TNKS: variants seen among roughly 807,000 people sequenced by gnomAD.
TNKS encodes tankyrase, also known as poly [ADP-ribose] polymerase tankyrase-1.
In TNKS, 72 loss-of-function variants were observed where a neutral mutation model predicts 135.8. The observed-to-expected ratio is 0.53, with a 90% CI of 0.44 to 0.64. TNKS has a LOEUF of 0.64. Ranked by LOEUF, TNKS falls within the 30% of genes least tolerant of loss-of-function variation. TNKS has a pLI of 0.00. For synonymous variants in TNKS, 849 were observed against 649.3 expected, an observed-to-expected ratio of 1.31 and a Z score of -4.68; for missense variants, 1,769 against 1,674.0, an observed-to-expected ratio of 1.06 and a Z score of -0.99.
chr8:9,766,632 C>G (rs1807467104), intron 25 of TNKS, among the ~76,000 whole-genome samples: 1 of 152,016 alleles, frequency 6.6e-6, no homozygotes, highest in Non-Finnish European at 1.5e-5. Context: ...ATTACAGGCA[C>G]CTGCCACCAC....
chr8:9,722,393 G>A (rs1478228618), intron 12 of TNKS: 2 of 152,178 alleles, frequency 1.3e-5, no homozygotes, highest in South Asian at 2.1e-4. Flanking sequence ...TTTTCCTCAT[G>A]CTAGGTCATT....
chr8:9,767,425 C>T (rs1179576088), intron 25 of TNKS, among the ~76,000 whole-genome samples: 2 of 152,160 alleles, frequency 1.3e-5, no homozygotes, highest in African/African-American at 4.8e-5. Context: ...TTCTTTTTAA[C>T]AAGCCAGGTT....
chr8:9,764,642 T>A, intron 22 of TNKS, 74 bp from the exon 23 acceptor site: 5 of 1,132,958 alleles, frequency 4.4e-6, no homozygotes, highest in Non-Finnish European at 6.2e-6. Flanking sequence ...TTATTAATAC[T>A]GAATTTTAGA....
chr8:9,638,189 A>G (rs1474724271), intron 3 of TNKS, among the ~76,000 whole-genome samples: 3 of 152,182 alleles, frequency 2.0e-5, no homozygotes, highest in Non-Finnish European at 4.4e-5. Context: ...TGCTTAAGCT[A>G]GTCTCAAACT....
chr8:9,613,172 C>T (rs1021750225), intron 2 of TNKS, among the ~76,000 whole-genome samples: 11 of 152,194 alleles, frequency 7.2e-5, no homozygotes, highest in East Asian at 3.9e-4. Flanking sequence ...CCAAATAGTC[C>T]GTAAAGACTA....
In TNKS at chr8:9,742,359, C is replaced by G. The variant is rs6988264; in HGVS notation, c.2644-5665C>G. On this transcript the variant is annotated intron_variant, in intron 17 of 26. Coordinates refer to ENST00000310430, the MANE Select transcript of TNKS (RefSeq NM_003747.3). ...GTCAGATACATGAGTGTGATAATAC[C>G]TTTTTTTTGTTTTTTAACATGGGCA... Among the ~76,000 whole-genome samples the G allele has an allele frequency of 2.1e-3, 313 of 147,118 alleles. 1 individual carries two copies. The highest frequency in any genetic ancestry group is 7.5e-3 in the African/African-American group (298 of 39,912).
chr8:9,585,219 G>C (rs1798324659), intron 2 of TNKS, among the ~76,000 whole-genome samples: 1 of 151,944 alleles, frequency 6.6e-6, no homozygotes. Context: ...CATGTTAGTA[G>C]CCTGGAAGCT....
chr8:9,703,688 G>T (rs1038707907), intron 5 of TNKS, among the ~76,000 whole-genome samples: 1 of 152,130 alleles, frequency 6.6e-6, no homozygotes, highest in Non-Finnish European at 1.5e-5. Context: ...TTCACATCTG[G>T]AATAGGTGAA....
intron 3 of TNKS, chr8:9,658,537 G>C (rs1801535123): frequency 5.1e-6 from 2 of 395,904 alleles, no homozygotes; most frequent in African/African-American, 2.2e-5. Context: ...CAAATGCTGA[G>C]AGATTTTGTC....
Position 9,731,024 on chromosome 8 carries a change from C to G in TNKS, c.2136C>G (p.Ala712=), listed in dbSNP as rs760904744. ...TACACCACGGTGCCGATGTCCATGC[C>G]AAAGACAAGGGGTACGTGTTAGAAG... The part of the protein sequence containing the change: ...YLLHHGADVH[A]KDKGGLVPLH... Residue 712 remains alanine, a synonymous_variant, in exon 14 of 27, where the codon GCC becomes GCG. Transcript: ENST00000310430. The G allele has an allele frequency of 3.7e-6, 6 of 1,609,576 alleles. No individual in the cohort carries two copies. The highest frequency in any genetic ancestry group is 2.2e-5 in the South Asian group (2 of 90,144).
chr8:9,769,076 C>T (rs1807639754), intron 25 of TNKS, among the ~76,000 whole-genome samples: 1 of 152,204 alleles, frequency 6.6e-6, no homozygotes, highest in African/African-American at 2.4e-5. Context: ...GATTAGCAGA[C>T]ATTTTCTTTA....
At chr8:9,697,432 A>C (rs1803569678) in intron 5 of TNKS, among the ~76,000 whole-genome samples, 1 of 152,188 alleles carries the variant, frequency 6.6e-6, no homozygotes, top group South Asian at 2.1e-4. Context: ...AGTTGTAATA[A>C]AAATAAAAAC....
intron 5 of TNKS, among the ~76,000 whole-genome samples, chr8:9,689,310 G>T (rs887886903): frequency 3.9e-5 from 6 of 152,108 alleles, no homozygotes; most frequent in Admixed American, 3.3e-4. Flanking sequence ...CCTTTTAAAA[G>T]AATGTTTTCA....
At chr8:9,567,916 A>G (rs1209224861) in intron 1 of TNKS, among the ~76,000 whole-genome samples, 2 of 152,156 alleles carry the variant, frequency 1.3e-5, no homozygotes, top group African/African-American at 4.8e-5. Flanking sequence ...CAAATTTTAT[A>G]TTATGTGTAT....
At position 9,778,372 on chromosome 8, in the gene TNKS, C is replaced by G. The variant is rs567200577; in HGVS notation, c.*1636C>G. On this transcript the variant is annotated 3_prime_UTR_variant, in exon 27 of 27. Coordinates refer to ENST00000310430, the MANE Select transcript of TNKS (RefSeq NM_003747.3). ...TAATGCAAGGTGATTAAGCTGTGACCTCCTTTAATCTCCTGAAGCAAAATA... is the reference window on the plus strand; with the variant it reads ...TAATGCAAGGTGATTAAGCTGTGACGTCCTTTAATCTCCTGAAGCAAAATA... 6.6e-6 allele frequency: 1 copy of G among 152,410 alleles called. No homozygotes were observed. The highest frequency in any genetic ancestry group is 1.5e-5 in the Non-Finnish European group (1 of 68,026). The allele number at this position is 152,410 out of a possible 1,614,324, so 9.4% of individuals were successfully genotyped here.
At chr8:9,574,045 C>G (rs1034970783) in intron 1 of TNKS, among the ~76,000 whole-genome samples, 3 of 152,122 alleles carry the variant, frequency 2.0e-5, no homozygotes, top group African/African-American at 7.2e-5. Context: ...TTAATCAACT[C>G]TTTGCTATTA....
chr8:9,626,014 A>G, intron 3 of TNKS, among the ~76,000 whole-genome samples: 1 of 152,200 alleles, frequency 6.6e-6, no homozygotes, highest in East Asian at 1.9e-4. Context: ...GTTTCTAACT[A>G]TAATTGTAGA....
At chr8:9,583,593 A>C (rs1798253262) in intron 2 of TNKS, among the ~76,000 whole-genome samples, 1 of 151,636 alleles carries the variant, frequency 6.6e-6, no homozygotes, top group African/African-American at 2.4e-5. Context: ...GGTTCAAGTG[A>C]TTCTCCTGCC....
intron 22 of TNKS, among the ~76,000 whole-genome samples, chr8:9,763,822 C>G (rs930660774): frequency 1.3e-5 from 2 of 152,126 alleles, no homozygotes; most frequent in African/African-American, 4.8e-5. Context: ...AGCCTAATGC[C>G]ATTGTTATAA....
Sources: gnomAD v4.1 joint callset for allele counts (sites outside exome capture counted in the v4.1 genomes callset) on GRCh38, gnomAD v4.1.1 for gene constraint, MANE v1.5 for transcripts, NCBI Gene and HGNC (gene_info 2026-07-23, HGNC 2026-07-21) for gene names.